The following ZHX1 variants were observed in gnomAD, a reference collection of about 807,000 sequenced individuals.
ZHX1 encodes zinc fingers and homeoboxes 1.
In ZHX1, 20 loss-of-function variants were observed where a neutral mutation model predicts 61.8. That is an observed-to-expected ratio of 0.32 (90% confidence interval 0.23 to 0.47). The LOEUF (loss-of-function observed/expected upper bound fraction) is 0.47, where lower values mean the gene tolerates loss of function less well. Among genes scored for constraint, ZHX1 ranks in the 20% least tolerant of loss-of-function variants. The pLI, the probability that ZHX1 is intolerant of heterozygous loss-of-function variation, is 1.00. For synonymous variants in ZHX1, 318 were observed against 352.6 expected, an observed-to-expected ratio of 0.90 and a Z score of 1.10; for missense variants, 800 against 1,034.8, an observed-to-expected ratio of 0.77 and a Z score of 3.11.
intron 1 of ZHX1, among the ~76,000 whole-genome samples, chr8:123,271,647 TATA>T (rs1186175177): frequency 2.0e-5 from 3 of 152,136 alleles, no homozygotes; most frequent in Non-Finnish European, 4.4e-5. Flanking sequence ...GCATAAGAAA[TATA>T]ATACATCATA....
rs767017753 is a variant in ZHX1 at position 123,253,403 on chromosome 8, A to C, written c.2544T>G (p.Asp848Glu). Residue 848 changes from aspartate (D) to glutamate (E), a missense_variant, in exon 3 of 4, where the codon GAT becomes GAG. Transcript: ENST00000395571. ...EDEVIDDQEE[D>E]EEETDDSDTW... is the part of the protein sequence containing the mutation. ...TGTCACTATCATCTGTTTCTTCTTCATCCTCTTCCTGGTCATCAATAACTT... is the reference window on the plus strand; with the variant it reads ...TGTCACTATCATCTGTTTCTTCTTCCTCCTCTTCCTGGTCATCAATAACTT... 1.2e-4 allele frequency: 193 copies of C among 1,613,830 alleles called. No individual in the cohort carries two copies. Among genetic ancestry groups the C allele is most frequent in the Admixed American group, 2.7e-4 (16 of 59,996 alleles).
Position 123,255,612 on chromosome 8 carries a change from T to C in ZHX1, c.335A>G (p.Lys112Arg). 1.2e-6 allele frequency: 2 copies of C among 1,613,538 alleles called. No homozygotes were observed. The highest frequency in any genetic ancestry group is 8.5e-7 in the Non-Finnish European group (1 of 1,180,008). ...YVCVECNFLT[K>R]RYDALSEHNL... ...ATGCTCAGAAAGTGCATCATACCTTTTGGTAAGAAAATTGCATTCGACACA... is the reference window on the plus strand; with the variant it reads ...ATGCTCAGAAAGTGCATCATACCTTCTGGTAAGAAAATTGCATTCGACACA... The change falls in exon 3 of 4, where the codon AAA becomes AGA. Residue 112 changes from lysine to arginine, a missense_variant. Coordinates refer to ENST00000395571, the MANE Select transcript of ZHX1 (RefSeq NM_007222.5).
intron 1 of ZHX1, among the ~76,000 whole-genome samples, chr8:123,267,709 A>G (rs543282555): frequency 1.3e-5 from 2 of 152,324 alleles, no homozygotes; most frequent in African/African-American, 4.8e-5. Flanking sequence ...GTTCTTTAAA[A>G]TGAGTATACC....
intron 3 of ZHX1, among the ~76,000 whole-genome samples, chr8:123,250,929 G>C (rs1044138588): frequency 2.6e-5 from 4 of 152,166 alleles, no homozygotes; most frequent in African/African-American, 7.2e-5. Flanking sequence ...ATCTTACCTT[G>C]AATTGTAATT....
intron 2 of ZHX1, among the ~76,000 whole-genome samples, chr8:123,260,838 A>T (rs1826227105): frequency 6.6e-6 from 1 of 151,972 alleles, no homozygotes; most frequent in African/African-American, 2.4e-5. Flanking sequence ...CCTGGCCAAC[A>T]TGGTGAAACC....
intron 2 of ZHX1, among the ~76,000 whole-genome samples, chr8:123,266,254 G>A (rs1232900011): frequency 6.6e-6 from 1 of 152,124 alleles, no homozygotes; most frequent in Non-Finnish European, 1.5e-5. Flanking sequence ...GTCTTTTACA[G>A]CCAGTCTAAC....
chr8:123,259,640 A>G (rs1179311202), intron 2 of ZHX1, among the ~76,000 whole-genome samples: 1 of 152,224 alleles, frequency 6.6e-6, no homozygotes, highest in Non-Finnish European at 1.5e-5. Flanking sequence ...TTGAACAGTA[A>G]AGGGAATTGT....
rs1462767404 is a variant in ZHX1, at chr8:123,253,817, G to A, written c.2130C>T (p.Asp710=). Residue 710 remains aspartate, a synonymous_variant, in exon 3 of 4, where the codon GAC becomes GAT. Coordinates refer to ENST00000395571, the MANE Select transcript of ZHX1 (RefSeq NM_007222.5). ...TTCCATTCTTCCAAGCATAACGGGTGTCCCCAAACCAACTAACTATGTCTG... is the reference window on the plus strand; with the variant it reads ...TTCCATTCTTCCAAGCATAACGGGTATCCCCAAACCAACTAACTATGTCTG... ...ARTDIVSWFG[D]TRYAWKNGNL... The A allele has an allele frequency of 6.2e-7, 1 of 1,614,172 alleles. No individual in the cohort carries two copies. Among genetic ancestry groups the A allele is most frequent in the Non-Finnish European group, 8.5e-7 (1 of 1,180,026 alleles).
In ZHX1 at chr8:123,253,636, T is replaced by G. The variant is rs760580123; in HGVS notation, c.2311A>C (p.Arg771=). Residue 771 remains arginine, a synonymous_variant, in exon 3 of 4, where the codon AGG becomes CGG. Transcript: ENST00000395571. The stretch of plus-strand genomic sequence containing the variant: ...TTAAATTTTATGAGTGATGGTCCCC[T>G]GTCCCAGTTGTTAATTCTTTTGCTT... ...RGSKRINNWD[R]GPSLIKFKTG... 1.2e-6 allele frequency: 2 copies of G among 1,614,220 alleles called. No homozygotes were observed. Among genetic ancestry groups the G allele is most frequent in the Non-Finnish European group, 1.7e-6 (2 of 1,180,016 alleles).
chr8:123,261,607 A>G (rs1220379384), intron 2 of ZHX1, among the ~76,000 whole-genome samples: 1 of 152,208 alleles, frequency 6.6e-6, no homozygotes, highest in Non-Finnish European at 1.5e-5. Context: ...AGTAAGAAAG[A>G]TATCAGTACA....
intron 2 of ZHX1, among the ~76,000 whole-genome samples, chr8:123,261,044 T>C (rs766651252): frequency 6.6e-6 from 1 of 152,158 alleles, no homozygotes; most frequent in Non-Finnish European, 1.5e-5. Flanking sequence ...ATTTGCTTGC[T>C]ATAATCCACT....
chr8:123,270,798 A>AG (rs1011905495), intron 1 of ZHX1, among the ~76,000 whole-genome samples: 13 of 152,110 alleles, frequency 8.5e-5, no homozygotes, highest in Admixed American at 2.6e-4. Context: ...AAAAAAAAAA[A>AG]AAAAAATGTA....
In ZHX1 at chr8:123,254,992, C is replaced by T. The variant is rs541736561; in HGVS notation, c.955G>A (p.Ala319Thr). Residue 319 changes from alanine (A) to threonine (T), a missense_variant, in exon 3 of 4, where the codon GCT becomes ACT. Physicochemically the swap from Ala to Thr is moderately conservative, Grantham distance 58 (BLOSUM62 0). Transcript: ENST00000395571. The surrounding 1 kb of genome is among the most constrained non-coding windows in gnomAD (Gnocchi z 4.1). The stretch of plus-strand genomic sequence containing the variant: ...TGTTCCTCTGTATATTTTGCTTGAG[C>T]AGAAAGAACTGTAATTTCTGACATT... Reference protein sequence around the residue: ...PTMSEITVLSAQAKYTEEQIK... With the variant: ...PTMSEITVLSTQAKYTEEQIK... 48 of 1,614,110 alleles carry T rather than the reference C, an allele frequency of 3.0e-5. No individual in the cohort carries two copies. The highest frequency in any genetic ancestry group is 1.6e-4 in the Middle Eastern group (1 of 6,062).
chr8:123,255,663 T>C lies in ZHX1; in HGVS notation c.284A>G (p.Asn95Ser), dbSNP rs755503928. 24 of 1,613,796 alleles carry C rather than the reference T, an allele frequency of 1.5e-5. No individual in the cohort carries two copies. Among genetic ancestry groups the C allele is most frequent in the Non-Finnish European group, 2.0e-5 (24 of 1,180,022 alleles). Reference sequence around the variant, plus strand: ...AACATAGGATGAATTTAGCACTACATTGGGATGTTCCGAATCCACATGAAA... The same window carrying C: ...AACATAGGATGAATTTAGCACTACACTGGGATGTTCCGAATCCACATGAAA... ...FTFHVDSEHPNVVLNSSYVCV... is the reference protein window; with the variant it reads ...FTFHVDSEHPSVVLNSSYVCV... Residue 95 changes from asparagine to serine, a missense_variant, in exon 3 of 4, where the codon AAT becomes AGT. Physicochemically the swap from Asn to Ser is conservative, Grantham distance 46 (BLOSUM62 1). Transcript: ENST00000395571.
chr8:123,258,096 G>A (rs1010192800), intron 2 of ZHX1, among the ~76,000 whole-genome samples: 4 of 152,180 alleles, frequency 2.6e-5, no homozygotes, highest in African/African-American at 7.2e-5. Flanking sequence ...CAATCTTGGA[G>A]GCAGAGCCTA....
chr8:123,252,304 T>C (rs1825941705), intron 3 of ZHX1: 1 of 152,232 alleles, frequency 6.6e-6, no homozygotes, highest in Admixed American at 6.5e-5. Flanking sequence ...ACTATGTTAT[T>C]AAATTCCAGA....
intron 1 of ZHX1, among the ~76,000 whole-genome samples, chr8:123,267,686 G>A (rs1408043737): frequency 6.6e-6 from 1 of 152,080 alleles, no homozygotes; most frequent in Non-Finnish European, 1.5e-5. Context: ...AAATTGAGAT[G>A]CAGAAATTGG....
In ZHX1 at chr8:123,253,681, G is replaced by A; in HGVS notation, c.2266C>T (p.Pro756Ser). 6.2e-7 allele frequency: 1 copy of A among 1,614,210 alleles called. No homozygotes were observed. The highest frequency in any genetic ancestry group is 8.5e-7 in the Non-Finnish European group (1 of 1,180,026). Residue 756 changes from proline (P) to serine (S), a missense_variant, in exon 3 of 4, where the codon CCG becomes TCG. By Grantham distance (74) the Pro-to-Ser change is moderately conservative (BLOSUM62 -1). Transcript: ENST00000395571. The stretch of plus-strand genomic sequence containing the variant: ...TTGCTTCCTCTAGGCCGCCCACGCG[G>A]TCTTCCTCTTCCCCGTCCTTTGGGT... ...GRPKGRGRGR[P>S]RGRPRGSKRI...
chr8:123,274,428 C>T (rs1826775660), upstream of ZHX1: 1 of 152,088 alleles, frequency 6.6e-6, no homozygotes, highest in Non-Finnish European at 1.5e-5. Flanking sequence ...CAGCGGCCGT[C>T]CGGGGGCGGA....
Sources: allele counts gnomAD v4.1 joint callset (sites outside exome capture counted in the v4.1 genomes callset), GRCh38; gene constraint gnomAD v4.1.1; non-coding constraint Gnocchi (gnomAD v3.1); transcripts MANE v1.5; gene names NCBI Gene and HGNC (gene_info 2026-07-23, HGNC 2026-07-21).